The following AKAP8 variants were observed in gnomAD, a reference collection of about 807,000 sequenced individuals.
The protein encoded by AKAP8 is A-kinase anchoring protein 8.
Under a neutral mutation model 67.5 loss-of-function variants are expected in AKAP8, and 24 were observed. The ratio of observed to expected loss-of-function variants is 0.36; its 90% CI spans 0.26 to 0.50. AKAP8 has a LOEUF of 0.50. Ranked by LOEUF, AKAP8 falls within the 20% of genes least tolerant of loss-of-function variation. The pLI, the probability that AKAP8 is intolerant of heterozygous loss-of-function variation, is 0.97. For synonymous variants in AKAP8, 400 were observed against 371.1 expected (o/e 1.08, Z -0.90); for missense variants, 971 against 955.9 (o/e 1.02, Z -0.21).
intron 13 of AKAP8, among the ~76,000 whole-genome samples, chr19:15,357,196 T>C (rs1009710115): frequency 6.6e-6 from 1 of 151,058 alleles, no homozygotes; most frequent in African/African-American, 2.4e-5. Flanking sequence ...CCTGACCTCG[T>C]GATGCACCCG....
Position 15,372,250 on chromosome 19 carries a change from C to T in AKAP8, c.959G>A (p.Arg320Gln), listed in dbSNP as rs115439396. ...GGAGAAATCTCCTTCACTGTCAACC[C>T]GGGCCAGTTTGGTGTCTGGCTCCTC... ...LYEEPDTKLA[R>Q]VDSEGDFSEN... Residue 320 changes from arginine to glutamine, a missense_variant, in exon 6 of 14, where the codon CGG becomes CAG. Coordinates refer to ENST00000269701, the MANE Select transcript of AKAP8 (RefSeq NM_005858.4). The T allele has an allele frequency of 5.0e-4, 810 of 1,614,222 alleles. 8 individuals carry two copies. In the South Asian group the frequency reaches 6.0e-3, roughly 12 times the overall value.
intron 7 of AKAP8, among the ~76,000 whole-genome samples, chr19:15,370,436 C>T (rs947281135): frequency 1.3e-5 from 2 of 152,172 alleles, no homozygotes; most frequent in African/African-American, 2.4e-5. Context: ...CCCACCCTCT[C>T]TCGGTTCCTC....
At position 15,379,713 on chromosome 19, in the gene AKAP8, C is replaced by A; in HGVS notation, c.19G>T (p.Gly7Cys). The A allele has an allele frequency of 6.2e-7, 1 of 1,610,448 alleles. No homozygotes were observed. Among genetic ancestry groups the A allele is most frequent in the Non-Finnish European group, 8.5e-7 (1 of 1,178,654 alleles). Residue 7 changes from glycine to cysteine, a missense_variant and splice_region_variant, in exon 1 of 14, where the codon GGC becomes TGC. Physicochemically the swap from Gly to Cys is radical, Grantham distance 159 (BLOSUM62 -3). Around this residue, in one of 3 missense-constraint regions of AKAP8, gnomAD observed 763 missense variants for 745.4 expected, o/e 1.02. Coordinates refer to ENST00000269701, the MANE Select transcript of AKAP8 (RefSeq NM_005858.4). ...TCCGCACCCAGCAGCCAACACAAAC[C>A]TCCGTAGCCCTGGTCCATGTCTTCG... is the stretch of plus-strand genomic sequence containing the variant. MDQGYG[G>C]YGAWSAGPAN...
intron 9 of AKAP8, among the ~76,000 whole-genome samples, chr19:15,364,133 G>GAAAA (rs1967030394): frequency 1.2e-5 from 1 of 82,290 alleles, no homozygotes; most frequent in Non-Finnish European, 2.6e-5. Context: ...AAAGAAACAG[G>GAAAA]ATTTTCAGTA....
intron 8 of AKAP8, 27 bp from the exon 9 acceptor site, chr19:15,368,349 G>A (rs891944696): frequency 2.3e-5 from 37 of 1,612,628 alleles, no homozygotes; most frequent in Middle Eastern, 3.3e-4. Flanking sequence ...CCTTCGAGAC[G>A]CTCTGAGTGG....
rs148578730 is a variant in AKAP8 at position 15,369,317 on chromosome 19, G to A, written c.1072+829C>T. 45 of 941,840 alleles carry A rather than the reference G, an allele frequency of 4.8e-5. No individual in the cohort carries two copies. Among genetic ancestry groups the A allele is most frequent in the Middle Eastern group, 5.5e-4 (1 of 1,834 alleles). 58.3% of individuals were successfully genotyped at this position (941,840 alleles called of 1,614,324 possible). On this transcript the variant is annotated intron_variant, in intron 8 of 13. Transcript: ENST00000269701. The surrounding 1 kb of genome is among the most constrained non-coding windows in gnomAD (Gnocchi z 4.6). ...TATGGACAGGACTGCTGCGGGTCGC[G>A]GGGGGGAGGACCGCAGAGGGCTGGC...
intron 12 of AKAP8, among the ~76,000 whole-genome samples, chr19:15,359,347 T>G (rs570616808): frequency 6.6e-6 from 1 of 152,346 alleles, no homozygotes; most frequent in South Asian, 2.1e-4. Context: ...TGAAAGGCTG[T>G]GTGGACTCAG....
intron 9 of AKAP8, among the ~76,000 whole-genome samples, chr19:15,365,180 C>T (rs1242452226): frequency 6.6e-6 from 1 of 152,222 alleles, no homozygotes; most frequent in African/African-American, 2.4e-5. Flanking sequence ...AGCTTCACAG[C>T]TTCTCAGATG....
At chr19:15,375,225 G>A (rs1203889866) in intron 2 of AKAP8, among the ~76,000 whole-genome samples, 2 of 152,124 alleles carry the variant, frequency 1.3e-5, no homozygotes, top group South Asian at 2.1e-4. Context: ...AGAAAGCCTC[G>A]CCAGCAGAGA....
At position 15,355,130 on chromosome 19, in the gene AKAP8, C is replaced by T. The variant is rs571638097; in HGVS notation, c.1864G>A (p.Glu622Lys). 1.2e-5 allele frequency: 19 copies of T among 1,613,568 alleles called. No homozygotes were observed. Among genetic ancestry groups the T allele is most frequent in the African/African-American group, 4.0e-5 (3 of 75,058 alleles). Residue 622 changes from glutamate (E) to lysine (K), a missense_variant, in exon 14 of 14, where the codon GAA becomes AAA. Glu to Lys is a moderately conservative substitution (Grantham distance 56, BLOSUM62 1). Transcript: ENST00000269701. The part of the protein sequence containing the change: ...TAEAGSDPQA[E>K]QLLEEQVPCG... ...GGCACCTGCTCTTCCAGCAGCTGTT[C>T]GGCTTGAGGATCACTACCGGCCTCC...
intron 9 of AKAP8, among the ~76,000 whole-genome samples, chr19:15,367,517 G>A (rs1967090004): frequency 6.6e-6 from 1 of 152,170 alleles, no homozygotes; most frequent in Non-Finnish European, 1.5e-5. Context: ...GACAGAGCAA[G>A]ACTCCATCTC....
At chr19:15,365,022 G>T (rs1171005130) in intron 9 of AKAP8, among the ~76,000 whole-genome samples, 2 of 152,198 alleles carry the variant, frequency 1.3e-5, no homozygotes. Context: ...AGGCTTGCAG[G>T]TATCTCAGGA....
In AKAP8 at chr19:15,354,941, A is replaced by G; in HGVS notation, c.2053T>C (p.Ser685Pro). 6.2e-7 allele frequency: 1 copy of G among 1,614,086 alleles called. No individual in the cohort carries two copies. Reference sequence around the variant, plus strand: ...CATTCTGTGGGAACAGCGTCTTTAGACTCTGCATCAGTTTGTTCCACTTCA... The same window carrying G: ...CATTCTGTGGGAACAGCGTCTTTAGGCTCTGCATCAGTTTGTTCCACTTCA... ...DAEVEQTDAE[S>P]KDAVPTE The change falls in exon 14 of 14, where the codon TCT (serine) becomes CCT (proline). Residue 685 changes from serine to proline, a missense_variant. This residue lies in a region of AKAP8 where 204 missense variants were observed against 193.0 expected (regional missense o/e 1.06). Coordinates refer to ENST00000269701, the MANE Select transcript of AKAP8 (RefSeq NM_005858.4).
At chr19:15,363,595 C>T (rs1219357242) in intron 9 of AKAP8, among the ~76,000 whole-genome samples, 6 of 151,550 alleles carry the variant, frequency 4.0e-5, no homozygotes, top group Middle Eastern at 3.4e-3. Flanking sequence ...CGCCTCTGCC[C>T]GGCCGCCCCT....
Position 15,373,140 on chromosome 19 carries a change from C to T in AKAP8, c.572G>A (p.Gly191Asp), listed in dbSNP as rs767992491. 35 of 1,613,018 alleles carry T rather than the reference C, an allele frequency of 2.2e-5. No individual in the cohort carries two copies. In the East Asian group the frequency reaches 7.4e-4, roughly 34 times the overall value. Residue 191 changes from glycine to aspartate, a missense_variant, in exon 5 of 14, where the codon GGC becomes GAC. Gly to Asp is a moderately conservative substitution (Grantham distance 94, BLOSUM62 -1). This residue lies in a region of AKAP8 where 763 missense variants were observed against 745.4 expected (regional missense o/e 1.02). Transcript: ENST00000269701. ...GSLDGFMRGR[G>D]QGRFQDRSNP... ...GCTCCGGTCCTGGAAGCGGCCCTGG[C>T]CCCGGCCCCGCATGAAGCCATCAAG...
rs111933444 is a variant in AKAP8 at position 15,369,287 on chromosome 19, C to T, written c.1072+859G>A. ...GTGCCGCTAAGCGCTCGGGGCGCCC[C>T]GTGCTATGGACAGGACTGCTGCGGG... On this transcript the variant is annotated intron_variant, in intron 8 of 13. Transcript: ENST00000269701. This position sits in a 1 kb window ranked among gnomAD's most constrained non-coding sequence, Gnocchi z 4.6. 8 of 984,846 alleles carry T rather than the reference C, an allele frequency of 8.1e-6. No individual in the cohort carries two copies. Among genetic ancestry groups the T allele is most frequent in the African/African-American group, 7.0e-5 (4 of 57,214 alleles). 61.0% of individuals were successfully genotyped at this position (984,846 alleles called of 1,614,324 possible). A position where few individuals can be genotyped will look rare whatever the true frequency, so the allele number is the denominator to read the frequency against.
chr19:15,371,869 G>T, intron 7 of AKAP8, 83 bp downstream of exon 7: 1 of 1,467,232 alleles, frequency 6.8e-7, no homozygotes, highest in Non-Finnish European at 9.5e-7. Context: ...CATGGCAGCT[G>T]CTCCTGCCCC....
At chr19:15,357,544 G>A (rs1204120648) in intron 13 of AKAP8, among the ~76,000 whole-genome samples, 1 of 151,140 alleles carries the variant, frequency 6.6e-6, no homozygotes, top group Non-Finnish European at 1.5e-5. Flanking sequence ...GGAATTCGAG[G>A]CTGCAGAGAA....
At position 15,374,637 on chromosome 19, in the gene AKAP8, T is replaced by C; in HGVS notation, c.59-2A>G. 1 of 1,608,810 alleles carries C rather than the reference T, an allele frequency of 6.2e-7. No homozygotes were observed. The highest frequency in any genetic ancestry group is 8.5e-7 in the Non-Finnish European group (1 of 1,177,018). On this transcript the variant is annotated splice_acceptor_variant, in intron 2 of 13. Coordinates refer to ENST00000269701, the MANE Select transcript of AKAP8 (RefSeq NM_005858.4). LOFTEE classifies it high-confidence loss of function. ...TGGCCACACCAGTTCCATATGCACC[T>C]TAGGGGAAACAGAAACACACAAGAG...
Sources: gnomAD v4.1 joint callset for allele counts (sites outside exome capture counted in the v4.1 genomes callset) on GRCh38, gnomAD v4.1.1 for gene constraint, gnomAD v4.1.1 regional missense constraint, Gnocchi (gnomAD v3.1) non-coding constraint, MANE v1.5 for transcripts, NCBI Gene and HGNC (gene_info 2026-07-23, HGNC 2026-07-21) for gene names.